Variants in AFP observed in about 807,000 individuals in gnomAD.
The protein encoded by AFP is alpha-fetoprotein.
Under a neutral mutation model 78.9 loss-of-function variants are expected in AFP, and 64 were observed. The observed-to-expected ratio is 0.81, with a 90% CI of 0.66 to 1.00. The LOEUF is 1.00. Ranked by LOEUF, AFP falls within the 50% of genes least tolerant of loss-of-function variation. AFP has a pLI of 0.00. For synonymous variants in AFP, 254 were observed against 243.8 expected (o/e 1.04, Z -0.39); for missense variants, 689 against 703.8 (o/e 0.98, Z 0.24).
chr4:73,451,313 A>G (rs1387391640), intron 11 of AFP, among the ~76,000 whole-genome samples: 1 of 152,230 alleles, frequency 6.6e-6, no homozygotes, highest in African/African-American at 2.4e-5. Flanking sequence ...TAATGCCAAT[A>G]TTCTTTACTT....
intron 9 of AFP, 97 bp from the exon 10 acceptor site, chr4:73,449,939 T>C (rs959095988): frequency 1.3e-6 from 1 of 763,708 alleles, no homozygotes. Context: ...ACATCTCTGA[T>C]TGGTTTTATA....
intron 5 of AFP, 141 bp from the exon 6 acceptor site, chr4:73,443,206 G>A (rs932707475): frequency 1.4e-6 from 1 of 725,298 alleles, no homozygotes; most frequent in Non-Finnish European, 2.4e-6. Context: ...CTGCGATAAT[G>A]TATGACATTT....
rs769086953 is a variant in AFP, at chr4:73,449,496, A to G, written c.1191+29A>G. 5.0e-6 allele frequency: 8 copies of G among 1,612,522 alleles called. No individual in the cohort carries two copies. The Admixed American group carries it at 6.7e-5, about 13-fold the overall frequency. On this transcript the variant is annotated intron_variant, in intron 9 of 14. Coordinates refer to ENST00000395792, the MANE Select transcript of AFP (RefSeq NM_001134.3). The stretch of plus-strand genomic sequence containing the variant: ...AGTTGCTCTAGAATTTTAGGGGAGT[A>G]TGAAAAACTGGATTGATATCATCTG...
At chr4:73,445,320 C>A (rs1212634340) in intron 7 of AFP, among the ~76,000 whole-genome samples, 198 bp downstream of exon 7, 1 of 151,822 alleles carries the variant, frequency 6.6e-6, no homozygotes, top group Non-Finnish European at 1.5e-5. Flanking sequence ...TTAGCTATAC[C>A]CCTTTTTGTG....
intron 11 of AFP, among the ~76,000 whole-genome samples, chr4:73,451,372 A>G (rs1382157453): frequency 6.6e-6 from 1 of 152,092 alleles, no homozygotes; most frequent in Non-Finnish European, 1.5e-5. Context: ...AATTAAAAAT[A>G]TTTTTCCTAT....
Position 73,436,573 on chromosome 4 carries a change from T to G in AFP, c.85+226T>G, listed in dbSNP as rs139069029. On this transcript the variant is annotated intron_variant, in intron 1 of 14. Transcript: ENST00000395792. ...GATGAATGGTTTGTATGTTTCATGTTGAATTAATTTTTACACTTCAATGGT... is the reference window on the plus strand; with the variant it reads ...GATGAATGGTTTGTATGTTTCATGTGGAATTAATTTTTACACTTCAATGGT... 2.9e-3 allele frequency among the ~76,000 whole-genome samples: 443 copies of G among 151,816 alleles called. 4 individuals carry two copies. Among genetic ancestry groups the G allele is most frequent in the African/African-American group, 9.5e-3 (394 of 41,542 alleles).
At chr4:73,447,365 C>T (rs999556055) in intron 7 of AFP, 97 bp from the exon 8 acceptor site, 3 of 779,306 alleles carry the variant, frequency 3.8e-6, no homozygotes, top group East Asian at 5.8e-5. Flanking sequence ...GTTCCCTTCT[C>T]CCTCCCTCCC....
At chr4:73,448,252 C>T (rs887136816) in intron 8 of AFP, among the ~76,000 whole-genome samples, 5 of 152,076 alleles carry the variant, frequency 3.3e-5, no homozygotes, top group Admixed American at 6.5e-5. Flanking sequence ...TGATAGGTCA[C>T]GTTCTCACTC....
intron 5 of AFP, 96 bp downstream of exon 5, chr4:73,442,524 A>G (rs1285419680): frequency 6.9e-7 from 1 of 1,450,294 alleles, no homozygotes; most frequent in Non-Finnish European, 9.6e-7. Context: ...AATTGTGGAG[A>G]GTATCGTTTT....
Position 73,450,640 on chromosome 4 carries a change from GC to G in AFP, c.1321del (p.Gln441SerfsTer2), listed in dbSNP as rs759754008. The G allele has an allele frequency of 6.2e-7, 1 of 1,614,108 alleles. No individual in the cohort carries two copies. The highest frequency in any genetic ancestry group is 2.2e-5 in the East Asian group (1 of 44,872). The stretch of plus-strand genomic sequence containing the variant: ...GTTTCTCGTTGCTTACACAAAGAAA[GC>G]CCCCCAGCTGACCTCGTCGGAGCTG... ...NAFLVAYTKK[A>X]PQLTSSELMA... On this transcript the variant is annotated frameshift_variant, in exon 11 of 15. Transcript: ENST00000395792. LOFTEE classifies it high-confidence loss of function.
At position 73,452,534 on chromosome 4, in the gene AFP, A is replaced by C; in HGVS notation, c.1562A>C (p.Tyr521Ser). ...AGCAGCTTGGTGGTGGATGAAACAT[A>C]TGTCCCTCCTGCATTCTCTGATGAC... ...CFSSLVVDET[Y>S]VPPAFSDDKF... The change falls in exon 12 of 15, where the codon TAT becomes TCT. Residue 521 changes from tyrosine (Y) to serine (S), a missense_variant. Physicochemically the swap from Tyr to Ser is moderately radical, Grantham distance 144 (BLOSUM62 -2). Transcript: ENST00000395792. The C allele has an allele frequency of 6.2e-7, 1 of 1,614,098 alleles. No individual in the cohort carries two copies. Among genetic ancestry groups the C allele is most frequent in the African/African-American group, 1.3e-5 (1 of 75,046 alleles).
Position 73,440,717 on chromosome 4 carries a change from A to G in AFP, c.386A>G (p.Lys129Arg), listed in dbSNP as rs1399426024. Reference sequence around the variant, plus strand: ...AGACATAACTGTTTTCTTGCACACAAAAAGCCCACTCCAGCATCGATCCCA... The same window carrying G: ...AGACATAACTGTTTTCTTGCACACAGAAAGCCCACTCCAGCATCGATCCCA... ...EGRHNCFLAHKKPTPASIPLF... is the reference protein window; with the variant it reads ...EGRHNCFLAHRKPTPASIPLF... Residue 129 changes from lysine (K) to arginine (R), a missense_variant, in exon 4 of 15, where the codon AAA (lysine) becomes AGA (arginine). Physicochemically the swap from Lys to Arg is conservative, Grantham distance 26. Transcript: ENST00000395792. 1 of 1,614,082 alleles carries G rather than the reference A, an allele frequency of 6.2e-7. No individual in the cohort carries two copies. The highest frequency in any genetic ancestry group is 1.3e-5 in the African/African-American group (1 of 74,942).
intron 2 of AFP, 114 bp downstream of exon 2, chr4:73,437,325 A>G (rs767165545): frequency 3.8e-4 from 317 of 829,620 alleles, no homozygotes; most frequent in Non-Finnish European, 5.4e-4. Flanking sequence ...AATTTGGACA[A>G]TTTCAAGAAA....
At chr4:73,452,712 GGC>G in intron 12 of AFP, 88 bp downstream of exon 12, 1 of 1,071,628 alleles carries the variant, frequency 9.3e-7, no homozygotes, top group South Asian at 1.3e-5. Context: ...AACACTATTG[GGC>G]TCACTAACAG....
At chr4:73,452,728 G>A (rs772644348) in intron 12 of AFP, 104 bp downstream of exon 12, 128 of 919,246 alleles carry the variant, frequency 1.4e-4, no homozygotes, top group Non-Finnish European at 2.1e-4. Context: ...CTAACAGAGC[G>A]TTACTCCCAA....
chr4:73,438,193 C>T lies in AFP; in HGVS notation c.157C>T (p.Gln53Ter). The T allele has an allele frequency of 6.2e-7, 1 of 1,613,248 alleles. No individual in the cohort carries two copies. Among genetic ancestry groups the T allele is most frequent in the Non-Finnish European group, 8.5e-7 (1 of 1,179,448 alleles). ...TTTCAGGGCTACCATATTTTTTGCC[C>T]AGTTTGTTCAAGAAGCCACTTACAA... ...LADLATIFFAQFVQEATYKEV... is the reference protein window; with the variant it reads ...LADLATIFFA The change falls in exon 3 of 15, where the codon CAG becomes TAG. Residue 53 changes from glutamine to a stop codon, truncating the protein, a stop_gained. Transcript: ENST00000395792. LOFTEE classifies it high-confidence loss of function.
intron 6 of AFP, 63 bp from the exon 7 acceptor site, chr4:73,444,930 A>C: frequency 7.0e-7 from 1 of 1,421,116 alleles, no homozygotes; most frequent in South Asian, 1.2e-5. Context: ...AATACTCTAT[A>C]AATTCTATTT....
chr4:73,451,393 T>C (rs1488893075), intron 11 of AFP, among the ~76,000 whole-genome samples: 3 of 152,210 alleles, frequency 2.0e-5, no homozygotes, highest in Admixed American at 6.5e-5. Context: ...AAAGTCATAA[T>C]TGCAAACAAA....
Position 73,440,709 on chromosome 4 carries a change from T to C in AFP, c.378T>C (p.Leu126=), listed in dbSNP as rs1406949539. 6.2e-7 allele frequency: 1 copy of C among 1,614,178 alleles called. No homozygotes were observed. The highest frequency in any genetic ancestry group is 1.7e-5 in the Admixed American group (1 of 60,016). ...AAGAGGGAAGACATAACTGTTTTCT[T>C]GCACACAAAAAGCCCACTCCAGCAT... ...QSEEGRHNCF[L]AHKKPTPASI... The change falls in exon 4 of 15, where the codon CTT becomes CTC. Residue 126 remains leucine, a synonymous_variant. Transcript: ENST00000395792.
Sources: allele counts gnomAD v4.1 joint callset (sites outside exome capture counted in the v4.1 genomes callset), GRCh38; gene constraint gnomAD v4.1.1; transcripts MANE v1.5; gene names NCBI Gene and HGNC (gene_info 2026-07-23, HGNC 2026-07-21).